The following B3GAT3 variants were observed in gnomAD, a reference collection of about 807,000 sequenced individuals.
The protein encoded by B3GAT3 is galactosylgalactosylxylosylprotein 3-beta-glucuronosyltransferase 3.
B3GAT3 carries 19 observed loss-of-function variants against 33.1 expected under a neutral mutation model. The ratio of observed to expected loss-of-function variants is 0.57; its 90% CI spans 0.40 to 0.84. B3GAT3 has a LOEUF of 0.84. Among genes scored for constraint, B3GAT3 ranks in the 40% least tolerant of loss-of-function variants. B3GAT3 has a pLI of 0.00. For missense variants in B3GAT3, 344 were observed against 441.5 expected, an observed-to-expected ratio of 0.78 and a Z score of 1.98; for synonymous variants, 167 against 193.5, an observed-to-expected ratio of 0.86 and a Z score of 1.14.
chr11:62,621,374 G>A (rs1266286257), intron 1 of B3GAT3: 7 of 454,734 alleles, frequency 1.5e-5, no homozygotes, highest in South Asian at 3.1e-5. Context: ...GAGAATAAAA[G>A]GGAATGGAAT....
chr11:62,618,177 CA>C (rs150492409), intron 2 of B3GAT3, among the ~76,000 whole-genome samples: 274 of 46,262 alleles, frequency 5.9e-3, no homozygotes, highest in Non-Finnish European at 7.5e-3. Flanking sequence ...AACTCTGTCT[CA>C]AAAAAAAAAA....
In B3GAT3 at chr11:62,615,507, G is replaced by A. The variant is rs1166486854; in HGVS notation, c.*194C>T. ...TCAACACAAGGGCTGCTTGTCCCCA[G>A]CCTGTGGGCAGTGCCACACGGCAGG... On this transcript the variant is annotated 3_prime_UTR_variant, in exon 5 of 5. Coordinates refer to ENST00000265471, the MANE Select transcript of B3GAT3 (RefSeq NM_012200.4). 1.9e-6 allele frequency: 2 copies of A among 1,040,002 alleles called. No individual in the cohort carries two copies. Among genetic ancestry groups the A allele is most frequent in the Non-Finnish European group, 2.8e-6 (2 of 720,140 alleles). The allele number at this position is 1,040,002 out of a possible 1,614,324, so 64.4% of individuals were successfully genotyped here.
At chr11:62,616,134 C>T (rs559051573) in intron 4 of B3GAT3, 21 of 556,646 alleles carry the variant, frequency 3.8e-5, no homozygotes, top group South Asian at 3.6e-4. Context: ...GTCCCAGCTA[C>T]TTGGGAGGCT....
intron 4 of B3GAT3, 79 bp from the exon 5 acceptor site, chr11:62,615,878 C>T: frequency 6.4e-7 from 1 of 1,568,102 alleles, no homozygotes; most frequent in Non-Finnish European, 8.6e-7. Flanking sequence ...AATGGATTCT[C>T]TAACCCTATC....
At chr11:62,615,839 C>G (rs774081276) in intron 4 of B3GAT3, 40 bp from the exon 5 acceptor site, 1 of 1,606,314 alleles carries the variant, frequency 6.2e-7, no homozygotes, top group Non-Finnish European at 8.5e-7. Context: ...GGCCCAGCTG[C>G]AGCCAGGCCT....
Position 62,615,676 on chromosome 11 carries a change from G to T in B3GAT3, c.*25C>A. 6.2e-7 allele frequency: 1 copy of T among 1,609,954 alleles called. No homozygotes were observed. Among genetic ancestry groups the T allele is most frequent in the Non-Finnish European group, 8.5e-7 (1 of 1,178,840 alleles). On this transcript the variant is annotated 3_prime_UTR_variant, in exon 5 of 5. Transcript: ENST00000265471. ...CCCACAAGGTCTGTGCCTGAAAAGA[G>T]GTGGTAGTTGGGGTGGGGCCGCCAT...
rs1214385150 is a variant in B3GAT3 at position 62,620,621 on chromosome 11, G to T, written c.133C>A (p.Arg45=). ...PPLRAAAEQL[R]QKDLRISQLQ... ...TGGGAAATCCTCAGATCCTTCTGCC[G>T]TAGCTGCTCGGCTGCTGCCCGCAGG... Residue 45 remains arginine (R), a synonymous_variant, in exon 2 of 5, where the codon CGG becomes AGG. Transcript: ENST00000265471. 6 of 1,612,362 alleles carry T rather than the reference G, an allele frequency of 3.7e-6. No homozygotes were observed. The highest frequency in any genetic ancestry group is 2.2e-5 in the East Asian group (1 of 44,844).
intron 1 of B3GAT3, 149 bp downstream of exon 1, chr11:62,621,717 C>T (rs1943147954): frequency 1.2e-6 from 1 of 840,608 alleles, no homozygotes; most frequent in Non-Finnish European, 1.8e-6. Flanking sequence ...GCGGTGCGTT[C>T]TATAGAGGGC....
chr11:62,615,809 G>A lies in B3GAT3; in HGVS notation c.910-10C>T, dbSNP rs199603266. On this transcript the variant is annotated splice_polypyrimidine_tract_variant and intron_variant, in intron 4 of 4. Transcript: ENST00000265471. ...TATGCCACACCAGTACCTGTGCCAG[G>A]AGGGATGCAGTGAGAGCCAGGCCCA... 3 of 1,613,240 alleles carry A rather than the reference G, an allele frequency of 1.9e-6. No homozygotes were observed. The highest frequency in any genetic ancestry group is 2.5e-6 in the Non-Finnish European group (3 of 1,179,942).
rs755879895 is a variant in B3GAT3 at position 62,621,975 on chromosome 11, G to C, written c.-28C>G. The C allele has an allele frequency of 6.2e-7, 1 of 1,612,136 alleles. No individual in the cohort carries two copies. Among genetic ancestry groups the C allele is most frequent in the Admixed American group, 1.7e-5 (1 of 59,948 alleles). On this transcript the variant is annotated 5_prime_UTR_variant, in exon 1 of 5. Coordinates refer to ENST00000265471, the MANE Select transcript of B3GAT3 (RefSeq NM_012200.4). ...CCGCGCCGCCGCCCGCGCCCGAGCA[G>C]GCGGGGTCTGCAGGGGACGAGGGGT...
chr11:62,616,387 G>T, intron 4 of B3GAT3, 119 bp downstream of exon 4: 1 of 1,427,900 alleles, frequency 7.0e-7, no homozygotes, highest in Non-Finnish European at 9.8e-7. Flanking sequence ...CAGCAAGGCT[G>T]ATCAGAGATC....
At chr11:62,615,846 G>T in intron 4 of B3GAT3, 47 bp from the exon 5 acceptor site, 1 of 1,603,344 alleles carries the variant, frequency 6.2e-7, no homozygotes, top group Non-Finnish European at 8.5e-7. Context: ...CTGCAGCCAG[G>T]CCTCTGGGTC....
intron 1 of B3GAT3, chr11:62,621,097 G>A (rs763102918): frequency 2.2e-6 from 1 of 462,724 alleles, no homozygotes; most frequent in South Asian, 1.5e-5. Context: ...CTTTGCATAA[G>A]GGGCAGGGTT....
In B3GAT3 at chr11:62,620,670, G is replaced by C; in HGVS notation, c.84C>G (p.Gly28=). ...AGLLYALVQL[G]QPCDCLPPLR... The stretch of plus-strand genomic sequence containing the variant: ...GGGGAGGAAGGCAGTCACATGGCTG[G>C]CCTGGTCCCAGGAAGCATTAATGGG... The change falls in exon 2 of 5, where the codon GGC becomes GGG. Residue 28 remains glycine, a splice_region_variant and synonymous_variant. Transcript: ENST00000265471. The C allele has an allele frequency of 6.2e-7, 1 of 1,609,762 alleles. No individual in the cohort carries two copies. Among genetic ancestry groups the C allele is most frequent in the Non-Finnish European group, 8.5e-7 (1 of 1,177,036 alleles).
In B3GAT3 at chr11:62,615,537, G is replaced by T; in HGVS notation, c.*164C>A. The T allele has an allele frequency of 7.7e-7, 1 of 1,299,954 alleles. No homozygotes were observed. The highest frequency in any genetic ancestry group is 1.1e-6 in the Non-Finnish European group (1 of 947,772). 80.5% of individuals were successfully genotyped at this position (1,299,954 alleles called of 1,614,324 possible). ...TGGGCAGTGCCACACGGCAGGCTAG[G>T]GGAGGGGTGAAGCAGCAGGACCATG... On this transcript the variant is annotated 3_prime_UTR_variant, in exon 5 of 5. Coordinates refer to ENST00000265471, the MANE Select transcript of B3GAT3 (RefSeq NM_012200.4).
chr11:62,615,947 T>C lies in B3GAT3; in HGVS notation c.910-148A>G, dbSNP rs1279996297. On this transcript the variant is annotated intron_variant, in intron 4 of 4. Transcript: ENST00000265471. ...GCAGGGTGGAGGAAGACTTAGTGCC[T>C]CTAAAACCGGGCCTTGGCCGGGCGC... 8 of 1,513,006 alleles carry C rather than the reference T, an allele frequency of 5.3e-6. No individual in the cohort carries two copies. In the African/African-American group the frequency reaches 8.3e-5, roughly 16 times the overall value. 93.7% of individuals were successfully genotyped at this position (1,513,006 alleles called of 1,614,324 possible).
At chr11:62,618,660 C>CAA (rs1048788405) in intron 2 of B3GAT3, among the ~76,000 whole-genome samples, 3 of 112,576 alleles carry the variant, frequency 2.7e-5, no homozygotes, top group South Asian at 5.5e-4. Flanking sequence ...GACTCCATCT[C>CAA]AAAAAAAAAA....
chr11:62,620,923 A>G, intron 1 of B3GAT3: 1 of 571,372 alleles, frequency 1.8e-6, no homozygotes. Flanking sequence ...CATCTTTTCT[A>G]CCTGCTGGTC....
chr11:62,620,679 C>G lies in B3GAT3; in HGVS notation c.83-8G>C. ...GGCAGTCACATGGCTGGCCTGGTCC[C>G]AGGAAGCATTAATGGGGAAAGAAGG... On this transcript the variant is annotated splice_region_variant and splice_polypyrimidine_tract_variant and intron_variant, in intron 1 of 4. Coordinates refer to ENST00000265471, the MANE Select transcript of B3GAT3 (RefSeq NM_012200.4). 6.2e-7 allele frequency: 1 copy of G among 1,608,634 alleles called. No homozygotes were observed. The highest frequency in any genetic ancestry group is 1.1e-5 in the South Asian group (1 of 90,574).
Sources: allele counts gnomAD v4.1 joint callset (sites outside exome capture counted in the v4.1 genomes callset), GRCh38; gene constraint gnomAD v4.1.1; transcripts MANE v1.5; gene names NCBI Gene and HGNC (gene_info 2026-07-23, HGNC 2026-07-21).